ATM: variants seen among roughly 807,000 people sequenced by gnomAD.
ATM encodes the protein ATM serine/threonine kinase.
ATM carries 308 observed loss-of-function variants against 387.0 expected under a neutral mutation model. That is an observed-to-expected ratio of 0.80 (90% CI 0.73 to 0.87). ATM has a LOEUF of 0.87. Among genes scored for constraint, ATM ranks in the 40% least tolerant of loss-of-function variants. The probability of loss-of-function intolerance (pLI) is 0.00; values close to 1 mark genes in which losing one functional copy is unlikely to be tolerated. For synonymous variants in ATM, 1,156 were observed against 1,187.3 expected, an observed-to-expected ratio of 0.97 and a Z score of 0.54; for missense variants, 3,312 against 3,560.9, an observed-to-expected ratio of 0.93 and a Z score of 1.78.
intron 61 of ATM, among the ~76,000 whole-genome samples, chr11:108,358,366 A>G (rs2137531131): frequency 6.9e-6 from 1 of 145,770 alleles, no homozygotes; most frequent in African/African-American, 2.6e-5. Flanking sequence ...GTTGGAAAAC[A>G]CTCTGCAGGA....
At position 108,359,363 on chromosome 11, in the gene ATM, C is replaced by T. The variant is rs578029000; in HGVS notation, c.8850+4489C>T. Among the ~76,000 whole-genome samples the T allele has an allele frequency of 2.0e-5, 3 of 152,166 alleles. No homozygotes were observed. In the East Asian group the frequency reaches 5.8e-4, roughly 29 times the overall value. ...TTAATAATGGGAGACTTTAACACCC[C>T]ACTGTCAACATTAGACAGATCAACG... On this transcript the variant is annotated intron_variant, in intron 61 of 62. Transcript: ENST00000675843.
In ATM at chr11:108,335,359, T is replaced by C. The variant is rs976738784; in HGVS notation, c.8151+250T>C. On this transcript the variant is annotated intron_variant, in intron 55 of 62. Coordinates refer to ENST00000675843, the MANE Select transcript of ATM (RefSeq NM_000051.4). ...AATACCATTAACATGTACAGACATG[T>C]ACAGTGAGGTTGCTTCTTATGAAAA... 1.8e-5 allele frequency: 22 copies of C among 1,216,944 alleles called. No homozygotes were observed. The African/African-American group carries it at 2.9e-4, about 16-fold the overall frequency. The allele number at this position is 1,216,944 out of a possible 1,614,324, so 75.4% of individuals were successfully genotyped here. A position where few individuals can be genotyped will look rare whatever the true frequency, so the allele number is the denominator to read the frequency against.
chr11:108,353,208 G>A (rs1291311661), intron 59 of ATM, among the ~76,000 whole-genome samples: 1 of 151,930 alleles, frequency 6.6e-6, no homozygotes, highest in East Asian at 1.9e-4. Context: ...GAGTGCAATG[G>A]CACGATCTCA....
chr11:108,339,600 G>C (rs2087266375), intron 56 of ATM, among the ~76,000 whole-genome samples: 1 of 152,014 alleles, frequency 6.6e-6, no homozygotes, highest in Non-Finnish European at 1.5e-5. Context: ...AGAAAACACT[G>C]TCATTTGCTT....
chr11:108,244,731 G>A, intron 6 of ATM, 57 bp from the exon 7 acceptor site: 1 of 1,310,298 alleles, frequency 7.6e-7, no homozygotes, highest in African/African-American at 1.5e-5. Context: ...TAACTGTTCA[G>A]TTTGTACAGT....
At chr11:108,331,235 A>G (rs2086201761) in intron 50 of ATM, 1 of 1,267,184 alleles carries the variant, frequency 7.9e-7, no homozygotes, top group African/African-American at 1.5e-5. Context: ...AGGACCAAAT[A>G]TTTTGATTTA....
chr11:108,345,674 T>C, intron 57 of ATM, 69 bp from the exon 58 acceptor site: 1 of 1,259,974 alleles, frequency 7.9e-7, no homozygotes, highest in Non-Finnish European at 1.1e-6. Flanking sequence ...TATTTTTATA[T>C]AAAAATGTGT....
At chr11:108,327,518 A>G in intron 47 of ATM, 127 bp from the exon 48 acceptor site, 1 of 722,240 alleles carries the variant, frequency 1.4e-6, no homozygotes, top group Non-Finnish European at 2.4e-6. Flanking sequence ...CAGATGAGGA[A>G]AAACTTTTTT....
intron 14 of ATM, 150 bp downstream of exon 14, chr11:108,256,490 G>T: frequency 4.1e-6 from 3 of 726,554 alleles, no homozygotes; most frequent in Non-Finnish European, 2.1e-6. Context: ...ATTATACTAT[G>T]TATTTTTTAA....
Position 108,273,331 on chromosome 11 carries a change from C to CTTTTTTTTTTTTTTT in ATM, c.3284+492_3284+506dup, listed in dbSNP as rs563140198. Among the ~76,000 whole-genome samples the CTTTTTTTTTTTTTTT allele has an allele frequency of 7.3e-4, 59 of 80,658 alleles. 8 individuals carry two copies. Among genetic ancestry groups the CTTTTTTTTTTTTTTT allele is most frequent in the African/African-American group, 3.0e-3 (52 of 17,516 alleles). The allele number at this position is 80,658 out of a possible 152,430, so 52.9% of individuals were successfully genotyped here. On this transcript the variant is annotated intron_variant, in intron 22 of 62. Transcript: ENST00000675843. ...GGAATAAACATATATTAATTTCATT[C>CTTTTTTTTTTTTTTT]TTTTTTTTTTTTTTTTTTTTTTTTT...
intron 26 of ATM, 114 bp from the exon 27 acceptor site, chr11:108,287,486 T>A (rs1221012179): frequency 3.1e-6 from 2 of 644,074 alleles, no homozygotes; most frequent in African/African-American, 3.7e-5. Context: ...AGTCATCTAT[T>A]TTCTTTTACA....
In ATM at chr11:108,335,163, T is replaced by A. The variant is rs574324888; in HGVS notation, c.8151+54T>A. 26 of 1,611,780 alleles carry A rather than the reference T, an allele frequency of 1.6e-5. No individual in the cohort carries two copies. The African/African-American group carries it at 2.9e-4, about 18-fold the overall frequency. The stretch of plus-strand genomic sequence containing the variant: ...TTAGAGTTTTAGTGATGAAAATTTT[T>A]AGTTCATATTTTCTTTCTGCTTTAT... On this transcript the variant is annotated intron_variant, in intron 55 of 62. Transcript: ENST00000675843.
intron 18 of ATM, among the ~76,000 whole-genome samples, chr11:108,269,584 T>C (rs571310266): frequency 2.0e-5 from 3 of 152,308 alleles, no homozygotes; most frequent in African/African-American, 7.2e-5. Context: ...CAACCTTATA[T>C]ATAACTAATC....
At chr11:108,314,196 A>T (rs762998392) in intron 40 of ATM, among the ~76,000 whole-genome samples, 2 of 152,048 alleles carry the variant, frequency 1.3e-5, no homozygotes, top group Non-Finnish European at 2.9e-5. Context: ...ACACACTGCA[A>T]GCTCTGCCTC....
intron 7 of ATM, among the ~76,000 whole-genome samples, chr11:108,246,624 TAGGCCAGA>T (rs1296370091): frequency 1.3e-5 from 2 of 152,300 alleles, no homozygotes; most frequent in Admixed American, 6.5e-5. Context: ...ATTTTTCTCT[TAGGCCAGA>T]AAAAGGCATA....
intron 40 of ATM, among the ~76,000 whole-genome samples, chr11:108,313,643 T>C (rs1257448500): frequency 1.3e-5 from 2 of 152,214 alleles, no homozygotes; most frequent in African/African-American, 4.8e-5. Context: ...TCCTCTCTAC[T>C]GAGTTTTTGG....
At chr11:108,308,098 A>C in intron 38 of ATM, 114 bp downstream of exon 38, 1 of 997,474 alleles carries the variant, frequency 1.0e-6, no homozygotes, top group Non-Finnish European at 1.5e-6. Flanking sequence ...TGTTATATTT[A>C]ATTTGTGTGA....
intron 58 of ATM, among the ~76,000 whole-genome samples, 194 bp from the exon 59 acceptor site, chr11:108,347,085 C>A (rs1317122129): frequency 6.6e-6 from 1 of 152,086 alleles, no homozygotes. Context: ...TTGTAAAATG[C>A]AATATGCATT....
intron 56 of ATM, among the ~76,000 whole-genome samples, chr11:108,337,225 C>T (rs1323799309): frequency 6.6e-6 from 1 of 152,160 alleles, no homozygotes; most frequent in Non-Finnish European, 1.5e-5. Context: ...GAGGGGCATA[C>T]TGTTCATTAA....
Sources: allele counts gnomAD v4.1 joint callset (sites outside exome capture counted in the v4.1 genomes callset), GRCh38; gene constraint gnomAD v4.1.1; transcripts MANE v1.5; gene names NCBI Gene and HGNC (gene_info 2026-07-23, HGNC 2026-07-21).